The following LDB3 variants were observed in gnomAD, a reference collection of about 807,000 sequenced individuals.
LDB3 encodes LIM domain binding 3.
A neutral mutation model predicts 69.0 loss-of-function variants in LDB3; 49 were observed. The ratio of observed to expected loss-of-function variants is 0.71; its 90% CI spans 0.56 to 0.90. LDB3 has a LOEUF of 0.90. Among genes scored for constraint, LDB3 ranks in the 40% least tolerant of loss-of-function variants. The probability of loss-of-function intolerance (pLI) is 0.00; values close to 1 mark genes in which losing one functional copy is unlikely to be tolerated. For missense variants in LDB3, 928 were observed against 974.1 expected, an observed-to-expected ratio of 0.95 and a Z score of 0.63; for synonymous variants, 387 against 396.2, an observed-to-expected ratio of 0.98 and a Z score of 0.28.
intron 5 of LDB3, among the ~76,000 whole-genome samples, chr10:86,682,100 A>G (rs1845185989): frequency 6.6e-6 from 1 of 152,208 alleles, no homozygotes; most frequent in Admixed American, 6.5e-5. Flanking sequence ...CCAGTCCTGA[A>G]TTCAGGAGAT....
intron 9 of LDB3, among the ~76,000 whole-genome samples, chr10:86,711,460 T>A (rs1480467509): frequency 6.6e-6 from 1 of 151,340 alleles, no homozygotes; most frequent in Non-Finnish European, 1.5e-5. Flanking sequence ...GGAGTCGGCC[T>A]GCCTCCACCT....
Position 86,680,139 on chromosome 10 carries a change from G to A in LDB3, c.303G>A (p.Pro101=), listed in dbSNP as rs559350698. The A allele has an allele frequency of 2.7e-5, 43 of 1,614,142 alleles. 1 individual carries two copies. The highest frequency in any genetic ancestry group is 2.0e-4 in the South Asian group (18 of 91,082). ...TTAPPVQTPL[P]VIPHQKDPAL... is the part of the protein sequence containing the mutation. The stretch of plus-strand genomic sequence containing the variant: ...CACCTCCAGTCCAGACCCCTCTGCC[G>A]GTGATCCCTCACCAGAAGGTAGGTG... The change falls in exon 4 of 14, where the codon CCG becomes CCA. Residue 101 remains proline (P), a synonymous_variant. Coordinates refer to ENST00000361373, the MANE Select transcript of LDB3 (RefSeq NM_007078.3).
intron 7 of LDB3, 30 bp from the exon 8 acceptor site, chr10:86,706,501 C>G (rs1361812160): frequency 6.2e-7 from 1 of 1,609,280 alleles, no homozygotes. Context: ...GCTCCCTTGA[C>G]CTGTTGTCTT....
Position 86,687,279 on chromosome 10 carries a change from G to A in LDB3, c.690-4617G>A, listed in dbSNP as rs754174632. On this transcript the variant is annotated intron_variant, in intron 5 of 13. Transcript: ENST00000361373. ...AAGGCAGTGACTTCAGTGGGTAAGCGCCTCCCTCCTCCACCGCCACTCAGT... is the reference window on the plus strand; with the variant it reads ...AAGGCAGTGACTTCAGTGGGTAAGCACCTCCCTCCTCCACCGCCACTCAGT... 1.9e-5 allele frequency: 31 copies of A among 1,613,622 alleles called. No individual in the cohort carries two copies. The highest frequency in any genetic ancestry group is 2.7e-5 in the African/African-American group (2 of 74,928).
At chr10:86,724,251 G>A (rs980460871) in intron 12 of LDB3, among the ~76,000 whole-genome samples, 6 of 151,756 alleles carry the variant, frequency 4.0e-5, no homozygotes, top group African/African-American at 1.5e-4. Flanking sequence ...GGCAGAGGTT[G>A]CAGTGAGCTG....
intron 2 of LDB3, among the ~76,000 whole-genome samples, chr10:86,672,758 CA>C (rs1285639524): frequency 6.6e-6 from 1 of 152,192 alleles, no homozygotes; most frequent in Non-Finnish European, 1.5e-5. Flanking sequence ...GTGAGGGATC[CA>C]AAAGGAGAGG....
intron 13 of LDB3, among the ~76,000 whole-genome samples, chr10:86,728,586 G>GTTTTTTTTTTTGTTTTTTTTTTT (rs11271876): frequency 7.6e-6 from 1 of 131,456 alleles, no homozygotes; most frequent in African/African-American, 2.8e-5. Context: ...TGGTTCTTTT[G>GTTTTTTTTTTTGTTTTTTTTTTT]TTTTTTTTTT....
chr10:86,673,196 C>T (rs975956975), intron 2 of LDB3, among the ~76,000 whole-genome samples: 1 of 152,206 alleles, frequency 6.6e-6, no homozygotes, highest in Non-Finnish European at 1.5e-5. Context: ...ACCCAAGACC[C>T]AAATGGAACT....
intron 2 of LDB3, among the ~76,000 whole-genome samples, chr10:86,669,923 G>A (rs563274563): frequency 1.3e-5 from 2 of 152,348 alleles, no homozygotes; most frequent in East Asian, 3.9e-4. Context: ...GGAGGAAGGG[G>A]TTGGAGGGGA....
At chr10:86,691,555 G>A (rs1202723170) in intron 5 of LDB3, among the ~76,000 whole-genome samples, 4 of 152,162 alleles carry the variant, frequency 2.6e-5, no homozygotes, top group African/African-American at 4.8e-5. Flanking sequence ...GCCTGCTCAC[G>A]GAGGTCAAAG....
chr10:86,708,040 G>A lies in LDB3; in HGVS notation c.1085+1321G>A, dbSNP rs73344198. Among the ~76,000 whole-genome samples the A allele has an allele frequency of 4.9e-3, 743 of 152,356 alleles. 5 individuals are homozygous for A. The highest frequency in any genetic ancestry group is 0.017 in the African/African-American group (705 of 41,586). ...GGCTATAAATGCTGGAGCCCTGCAG[G>A]CAGTCTAGCCTCATCCCTGGGGCCC... On this transcript the variant is annotated intron_variant, in intron 8 of 13. Transcript: ENST00000361373.
At chr10:86,691,747 C>T (rs145500109) in intron 5 of LDB3, 149 bp from the exon 6 acceptor site, 3 of 890,824 alleles carry the variant, frequency 3.4e-6, no homozygotes, top group Non-Finnish European at 5.6e-6. Context: ...CCAGGTCATG[C>T]CCATATCTCA....
chr10:86,706,829 C>A, intron 8 of LDB3, 110 bp downstream of exon 8: 1 of 1,228,572 alleles, frequency 8.1e-7, no homozygotes, highest in Non-Finnish European at 1.1e-6. Context: ...GGCCCGCAGG[C>A]CTAGAGGAAG....
chr10:86,676,571 A>AG (rs1844803285), intron 2 of LDB3, among the ~76,000 whole-genome samples: 1 of 144,414 alleles, frequency 6.9e-6, no homozygotes, highest in African/African-American at 2.7e-5. Context: ...TCTCAAAAAA[A>AG]AAAAAAAAGA....
At chr10:86,671,822 G>T (rs778144953) in intron 2 of LDB3, among the ~76,000 whole-genome samples, 2 of 152,192 alleles carry the variant, frequency 1.3e-5, no homozygotes, top group African/African-American at 4.8e-5. Context: ...CCTTAAAATG[G>T]GGATAGCAGG....
chr10:86,681,658 G>A lies in LDB3; in HGVS notation c.544G>A (p.Gly182Ser), dbSNP rs141430674. Reference protein sequence around the residue: ...TSPEGARDLLGPKALPGSSQP... With the variant: ...TSPEGARDLLSPKALPGSSQP... ...CCCAGAGGGGGCCCGGGACCTACTC[G>A]GCCCAAAAGCCCTGCCGGGCTCGAG... The change falls in exon 5 of 14, where the codon GGC (glycine) becomes AGC (serine). Residue 182 changes from glycine to serine, a missense_variant. By Grantham distance (56) the Gly-to-Ser change is moderately conservative. Transcript: ENST00000361373. 15 of 1,613,280 alleles carry A rather than the reference G, an allele frequency of 9.3e-6. No homozygotes were observed. The highest frequency in any genetic ancestry group is 5.3e-5 in the African/African-American group (4 of 75,072).
chr10:86,688,855 A>G (rs547423567), intron 5 of LDB3, among the ~76,000 whole-genome samples: 91 of 152,344 alleles, frequency 6.0e-4, no homozygotes, highest in African/African-American at 2.1e-3. Flanking sequence ...TGGTCTCACC[A>G]CTAGGGCACC....
In LDB3 at chr10:86,699,484, G is replaced by T. The variant is rs1408030897; in HGVS notation, c.896+6913G>T. The T allele has an allele frequency of 1.6e-5, 25 of 1,571,078 alleles. No homozygotes were observed. The highest frequency in any genetic ancestry group is 2.0e-5 in the Non-Finnish European group (23 of 1,161,400). On this transcript the variant is annotated intron_variant, in intron 7 of 13. Transcript: ENST00000361373. This position sits in a 1 kb window ranked among gnomAD's most constrained non-coding sequence, Gnocchi z 4.9. ...GTGATGCTTGACAATGTATAACTCT[G>T]CTGGGGGCACCTCTGATGGCCAACC...
intron 9 of LDB3, 21 bp downstream of exon 9, chr10:86,710,071 G>C (rs753716201): frequency 1.9e-6 from 3 of 1,610,900 alleles, no homozygotes; most frequent in South Asian, 2.2e-5. Flanking sequence ...GAGCAGGAGG[G>C]GAGGCTGTCG....
Sources: gnomAD v4.1 joint callset for allele counts (sites outside exome capture counted in the v4.1 genomes callset) on GRCh38, gnomAD v4.1.1 for gene constraint, Gnocchi (gnomAD v3.1) non-coding constraint, MANE v1.5 for transcripts, NCBI Gene and HGNC (gene_info 2026-07-23, HGNC 2026-07-21) for gene names.